The following ITGA1 variants were observed in gnomAD, a reference collection of about 807,000 sequenced individuals.
ITGA1 encodes the protein integrin alpha-1.
Under a neutral mutation model 145.9 loss-of-function variants are expected in ITGA1, and 85 were observed. The observed-to-expected ratio is 0.58, with a 90% CI of 0.49 to 0.70. The LOEUF (loss-of-function observed/expected upper bound fraction) is 0.70. ITGA1 is among the 30% of genes least tolerant of loss of function. The probability of loss-of-function intolerance (pLI) is 0.00; values close to 1 mark genes in which losing one functional copy is unlikely to be tolerated. For synonymous variants in ITGA1, 520 were observed against 495.3 expected (o/e 1.05, Z -0.66); for missense variants, 1,351 against 1,418.7 (o/e 0.95, Z 0.77).
At chr5:52,866,520 C>T (rs1437048659) in intron 6 of ITGA1, among the ~76,000 whole-genome samples, 1 of 152,126 alleles carries the variant, frequency 6.6e-6, no homozygotes, top group African/African-American at 2.4e-5. Context: ...ACATTATAAT[C>T]TCTCCTCTCA....
chr5:52,821,348 T>A (rs376918091), intron 1 of ITGA1, among the ~76,000 whole-genome samples: 1 of 152,184 alleles, frequency 6.6e-6, no homozygotes, highest in African/African-American at 2.4e-5. Flanking sequence ...CAAAAAAGTA[T>A]GTTTTTAGAC....
At chr5:52,852,067 A>T (rs924768530) in intron 2 of ITGA1, among the ~76,000 whole-genome samples, 1 of 152,196 alleles carries the variant, frequency 6.6e-6, no homozygotes, top group African/African-American at 2.4e-5. Flanking sequence ...AAGTCTTGAA[A>T]GATGACTTAA....
chr5:52,893,817 GAGAA>G lies in ITGA1; in HGVS notation c.1072_1075del (p.Arg358TyrfsTer38). 1 of 1,611,542 alleles carries G rather than the reference GAGAA, an allele frequency of 6.2e-7. No individual in the cohort carries two copies. Among genetic ancestry groups the G allele is most frequent in the Non-Finnish European group, 8.5e-7 (1 of 1,178,412 alleles). ...CTAGTCACCATTGTTAAAACTCTGG[GAGAA>G]AGAATATTTGCCCTGGAAGGTATGT... On this transcript the variant is annotated frameshift_variant, in exon 9 of 29. Transcript: ENST00000282588. LOFTEE classifies it high-confidence loss of function.
rs1561246468 is a variant in ITGA1 at position 52,911,661 on chromosome 5, A to ATATATAGTGTATCTACTATATATACTG, written c.1857+1244_1857+1245insTATAGTGTATCTACTATATATACTGTA. 2.9e-3 allele frequency among the ~76,000 whole-genome samples: 340 copies of ATATATAGTGTATCTACTATATATACTG among 117,754 alleles called. 15 individuals are homozygous for ATATATAGTGTATCTACTATATATACTG. Among genetic ancestry groups the ATATATAGTGTATCTACTATATATACTG allele is most frequent in the African/African-American group, 9.9e-3 (235 of 23,814 alleles). The allele number at this position is 117,754 out of a possible 152,430, so 77.3% of individuals were successfully genotyped here. A position where few individuals can be genotyped will look rare whatever the true frequency, so the allele number is the denominator to read the frequency against. On this transcript the variant is annotated intron_variant, in intron 14 of 28. Coordinates refer to ENST00000282588, the MANE Select transcript of ITGA1 (RefSeq NM_181501.2). ...ATATAGTGTATCTACTATATATACT[A>ATATATAGTGTATCTACTATATATACTG]TACATATAGTGTATCTACTATATAT...
chr5:52,893,692 C>T lies in ITGA1; in HGVS notation c.942C>T (p.Asn314=), dbSNP rs947658336. Residue 314 remains asparagine (N), a synonymous_variant, in exon 9 of 29, where the codon AAC becomes AAT. Coordinates refer to ENST00000282588, the MANE Select transcript of ITGA1 (RefSeq NM_181501.2). The part of the protein sequence containing the change: ...RFSIAILGSY[N]RGNLSTEKFV... Reference sequence around the variant, plus strand: ...TGTCTTAGATTCTTGGCAGCTATAACCGAGGAAATTTAAGCACTGAAAAAT... The same window carrying T: ...TGTCTTAGATTCTTGGCAGCTATAATCGAGGAAATTTAAGCACTGAAAAAT... 1 of 1,612,224 alleles carries T rather than the reference C, an allele frequency of 6.2e-7. No individual in the cohort carries two copies. Among genetic ancestry groups the T allele is most frequent in the Non-Finnish European group, 8.5e-7 (1 of 1,178,938 alleles).
At chr5:52,801,435 C>T in intron 1 of ITGA1, 2 of 1,613,798 alleles carry the variant, frequency 1.2e-6, no homozygotes, top group Admixed American at 3.3e-5. Flanking sequence ...GACACAAGTA[C>T]TCCCTGAAAG....
chr5:52,834,001 A>T (rs1330422139), intron 1 of ITGA1, among the ~76,000 whole-genome samples: 1 of 152,224 alleles, frequency 6.6e-6, no homozygotes, highest in South Asian at 2.1e-4. Context: ...TATTAAACAC[A>T]TCATCTACCA....
rs537244961 is a variant in ITGA1, at chr5:52,921,408, C to G, written c.2292+940C>G. 2.6e-5 allele frequency among the ~76,000 whole-genome samples: 4 copies of G among 152,174 alleles called. No homozygotes were observed. In the South Asian group the frequency reaches 8.3e-4, roughly 32 times the overall value. ...CTTTTGTGCCACATTTGTTCTTCCTCAGTGATTTTCATGTTGATATGCTTC... is the reference window on the plus strand; with the variant it reads ...CTTTTGTGCCACATTTGTTCTTCCTGAGTGATTTTCATGTTGATATGCTTC... On this transcript the variant is annotated intron_variant, in intron 17 of 28. Transcript: ENST00000282588.
intron 1 of ITGA1, among the ~76,000 whole-genome samples, chr5:52,839,199 T>C (rs939996242): frequency 2.6e-5 from 4 of 152,176 alleles, no homozygotes; most frequent in African/African-American, 9.7e-5. Context: ...ACCTGTTATA[T>C]GTTATATGTT....
intron 6 of ITGA1, among the ~76,000 whole-genome samples, chr5:52,866,522 C>G (rs1001477056): frequency 6.6e-6 from 1 of 152,192 alleles, no homozygotes; most frequent in Non-Finnish European, 1.5e-5. Flanking sequence ...ATTATAATCT[C>G]TCCTCTCATA....
intron 12 of ITGA1, among the ~76,000 whole-genome samples, chr5:52,907,606 A>C (rs1579711059): frequency 6.6e-6 from 1 of 152,226 alleles, no homozygotes; most frequent in African/African-American, 2.4e-5. Flanking sequence ...ATATTTTTTA[A>C]CAATGACGTT....
chr5:52,922,812 G>C lies in ITGA1; in HGVS notation c.2328G>C (p.Thr776=), dbSNP rs140132760. ...ACTTTCAGGACTCTGTGAGAATAAC[G>C]TTGGACTTTAATCTTACCGATCCAG... ...KHDFQDSVRI[T]LDFNLTDPEN... is the part of the protein sequence containing the mutation. The change falls in exon 18 of 29, where the codon ACG becomes ACC. Residue 776 remains threonine (T), a synonymous_variant. Coordinates refer to ENST00000282588, the MANE Select transcript of ITGA1 (RefSeq NM_181501.2). The C allele has an allele frequency of 4.1e-5, 66 of 1,613,218 alleles. No homozygotes were observed. The highest frequency in any genetic ancestry group is 5.3e-5 in the Non-Finnish European group (63 of 1,179,358).
chr5:52,867,975 C>T (rs1749714591), intron 6 of ITGA1, among the ~76,000 whole-genome samples: 1 of 152,052 alleles, frequency 6.6e-6, no homozygotes, highest in South Asian at 2.1e-4. Context: ...CTTCCTCAGG[C>T]AGCCTCTTGG....
chr5:52,907,553 AG>A (rs1421615889), intron 12 of ITGA1, among the ~76,000 whole-genome samples: 1 of 152,246 alleles, frequency 6.6e-6, no homozygotes, highest in Admixed American at 6.5e-5. Flanking sequence ...TCTGAAAGAA[AG>A]GTGGCTCCAT....
rs768984355 is a variant in ITGA1, at chr5:52,887,846, C to A, written c.805C>A (p.Arg269=). 1 of 1,612,860 alleles carries A rather than the reference C, an allele frequency of 6.2e-7. No individual in the cohort carries two copies. Among genetic ancestry groups the A allele is most frequent in the Non-Finnish European group, 8.5e-7 (1 of 1,179,322 alleles). The change falls in exon 8 of 29, where the codon CGA becomes AGA. Residue 269 remains arginine, a synonymous_variant. Transcript: ENST00000282588. The part of the protein sequence containing the change: ...KEAFTEARGA[R]RGVKKVMVIV... Reference sequence around the variant, plus strand: ...GGCATTCACGGAAGCCCGGGGTGCCCGAAGAGGAGTTAAAAAAGTCATGGT... The same window carrying A: ...GGCATTCACGGAAGCCCGGGGTGCCAGAAGAGGAGTTAAAAAAGTCATGGT...
intron 6 of ITGA1, 94 bp downstream of exon 6, chr5:52,865,911 T>C (rs575092939): frequency 2.0e-6 from 2 of 1,022,070 alleles, no homozygotes; most frequent in African/African-American, 1.7e-5. Flanking sequence ...AATTAATCAA[T>C]AAAACTAAAG....
rs377090654 is a variant in ITGA1 at position 52,910,344 on chromosome 5, G to T, written c.1782G>T (p.Pro594=). 1.8e-5 allele frequency: 29 copies of T among 1,613,674 alleles called. No individual in the cohort carries two copies. The highest frequency in any genetic ancestry group is 5.0e-5 in the Admixed American group (3 of 59,952). Residue 594 remains proline, a synonymous_variant, in exon 14 of 29, where the codon CCG becomes CCT. Transcript: ENST00000282588. ...TTAATGACATCGTGATAGGAGCTCC[G>T]CTGGAAGATGATCACGGGGGAGCTG... ...DGFNDIVIGA[P]LEDDHGGAVY...
intron 1 of ITGA1, among the ~76,000 whole-genome samples, chr5:52,822,352 G>A (rs1250820261): frequency 6.6e-6 from 1 of 152,152 alleles, no homozygotes; most frequent in African/African-American, 2.4e-5. Flanking sequence ...ATTTTACTTA[G>A]GGCACTGGGG....
chr5:52,816,179 T>A (rs1379185304), intron 1 of ITGA1, among the ~76,000 whole-genome samples: 1 of 152,126 alleles, frequency 6.6e-6, no homozygotes, highest in Non-Finnish European at 1.5e-5. Context: ...CTCCAAACAT[T>A]TTACCTATTT....
Sources: gnomAD v4.1 joint callset for allele counts (sites outside exome capture counted in the v4.1 genomes callset) on GRCh38, gnomAD v4.1.1 for gene constraint, MANE v1.5 for transcripts, NCBI Gene and HGNC (gene_info 2026-07-23, HGNC 2026-07-21) for gene names.